Variants in AXIN1 observed in about 807,000 individuals in gnomAD.
The protein encoded by AXIN1 is axin 1, also known as axin-1.
In AXIN1, 30 loss-of-function variants were observed where a neutral mutation model predicts 76.4. That is an observed-to-expected ratio of 0.39 (90% CI 0.29 to 0.53). The LOEUF (loss-of-function observed/expected upper bound fraction) is 0.53. AXIN1 is among the 20% of genes least tolerant of loss of function. AXIN1 has a pLI of 0.66. For missense variants in AXIN1, 1,140 were observed against 1,198.8 expected, an observed-to-expected ratio of 0.95 and a Z score of 0.72; for synonymous variants, 545 against 501.4, an observed-to-expected ratio of 1.09 and a Z score of -1.16.
At chr16:306,974 C>A (rs1187936931) in intron 4 of AXIN1, among the ~76,000 whole-genome samples, 2 of 152,190 alleles carry the variant, frequency 1.3e-5, no homozygotes, top group Non-Finnish European at 2.9e-5. Flanking sequence ...CCGCTGCACC[C>A]GGGGCCTGGA....
intron 2 of AXIN1, among the ~76,000 whole-genome samples, chr16:324,413 G>A (rs1009823450): frequency 4.6e-5 from 7 of 152,214 alleles, no homozygotes; most frequent in African/African-American, 1.7e-4. Context: ...AGGCGGGTCA[G>A]GCACAGGCCT....
At chr16:322,368 C>T (rs1032081709) in intron 2 of AXIN1, among the ~76,000 whole-genome samples, 10 of 152,228 alleles carry the variant, frequency 6.6e-5, no homozygotes, top group African/African-American at 2.4e-4. Context: ...CTCAACCCAT[C>T]ACCCTGTACC....
chr16:291,420 C>T (rs989413578), intron 8 of AXIN1, 123 bp from the exon 9 acceptor site: 93 of 815,630 alleles, frequency 1.1e-4, no homozygotes, highest in South Asian at 7.9e-4. Context: ...ACCCACCCTG[C>T]GCAGGCTCCA....
rs920223126 is a variant in AXIN1, at chr16:293,228, G to A, written c.2186+260C>T. On this transcript the variant is annotated intron_variant, in intron 8 of 10. Coordinates refer to ENST00000262320, the MANE Select transcript of AXIN1 (RefSeq NM_003502.4). The surrounding 1 kb of genome is among the most constrained non-coding windows in gnomAD (Gnocchi z 4.6). ...CCTCCCTGCAGACTGGGCTCAGGTT[G>A]AGGAGGGACCCCGCCTCCAGAGCAA... 1 of 560,938 alleles carries A rather than the reference G, an allele frequency of 1.8e-6. No homozygotes were observed. The highest frequency in any genetic ancestry group is 1.9e-5 in the African/African-American group (1 of 53,262). 34.7% of individuals were successfully genotyped at this position (560,938 alleles called of 1,614,324 possible).
At chr16:343,706 CAAAA>C (rs58687675) in intron 2 of AXIN1, among the ~76,000 whole-genome samples, 1 of 136,910 alleles carries the variant, frequency 7.3e-6, no homozygotes, top group Non-Finnish European at 1.6e-5. Context: ...CCATCTCAAA[CAAAA>C]AAACAAGCAA....
At chr16:314,807 A>G (rs2053263201) in intron 2 of AXIN1, 124 bp from the exon 3 acceptor site, 10 of 1,421,644 alleles carry the variant, frequency 7.0e-6, no homozygotes, top group Non-Finnish European at 9.6e-6. Flanking sequence ...TTTGGAGAAA[A>G]TAAGGAGCAT....
rs1383161923 is a variant in AXIN1 at position 331,966 on chromosome 16, C to T, written c.878+14182G>A. Among the ~76,000 whole-genome samples, 12 of 152,190 alleles carry T rather than the reference C, an allele frequency of 7.9e-5. No homozygotes were observed. The South Asian group carries it at 2.3e-3, about 29-fold the overall frequency. On this transcript the variant is annotated intron_variant, in intron 2 of 10. Transcript: ENST00000262320. ...TCCAGAGACCACGGTGACTAAGGGC[C>T]CGACCCTGACTACAGCAGATGGGAA...
At chr16:308,737 G>A (rs1315073774) in intron 4 of AXIN1, among the ~76,000 whole-genome samples, 2 of 152,114 alleles carry the variant, frequency 1.3e-5, no homozygotes, top group South Asian at 4.1e-4. Context: ...CACAGCACAA[G>A]CACGCACACA....
Position 312,369 on chromosome 16 carries a change from G to GA in AXIN1, c.1019+2173dup, listed in dbSNP as rs200158785. Among the ~76,000 whole-genome samples the GA allele has an allele frequency of 6.2e-3, 946 of 152,004 alleles. 8 individuals are homozygous for GA. The highest frequency in any genetic ancestry group is 0.022 in the African/African-American group (901 of 41,506). On this transcript the variant is annotated intron_variant, in intron 3 of 10. Transcript: ENST00000262320. ...CAAACCAAGATGAACAGAATATCAA[G>GA]AAAAAAAATACCTATTTATTTTAGG...
chr16:291,278 G>A lies in AXIN1; in HGVS notation c.2206C>T (p.Arg736Trp), dbSNP rs780541699. The change falls in exon 9 of 11, where the codon CGG (arginine) becomes TGG (tryptophan). Residue 736 changes from arginine to tryptophan, a missense_variant. Transcript: ENST00000262320. The part of the protein sequence containing the change: ...SKQRYVQEVM[R>W]RGRACVRPAC... Reference sequence around the variant, plus strand: ...GGCCTGACGCAGGCGCGTCCCCGCCGCATAACCTCCTGCACATACCTAGGG... The same window carrying A: ...GGCCTGACGCAGGCGCGTCCCCGCCACATAACCTCCTGCACATACCTAGGG... 5.1e-6 allele frequency: 8 copies of A among 1,580,950 alleles called. No homozygotes were observed. The highest frequency in any genetic ancestry group is 1.8e-5 in the Admixed American group (1 of 54,108).
At chr16:288,783 G>C (rs901611367) in intron 10 of AXIN1, among the ~76,000 whole-genome samples, 1 of 152,260 alleles carries the variant, frequency 6.6e-6, no homozygotes, top group Non-Finnish European at 1.5e-5. Context: ...GTGGCCCAGG[G>C]CGAATGAACC....
At chr16:327,534 C>T (rs745566262) in intron 2 of AXIN1, among the ~76,000 whole-genome samples, 5 of 152,338 alleles carry the variant, frequency 3.3e-5, no homozygotes, top group Middle Eastern at 3.4e-3. Flanking sequence ...CACAACACAC[C>T]AAAGGCCCTT....
At chr16:337,464 G>A (rs1053945840) in intron 2 of AXIN1, among the ~76,000 whole-genome samples, 2 of 149,296 alleles carry the variant, frequency 1.3e-5, no homozygotes, top group African/African-American at 2.5e-5. Context: ...TAGACTACAG[G>A]TGAGCTAGTA....
chr16:349,644 G>C (rs1040310904), intron 1 of AXIN1, among the ~76,000 whole-genome samples: 17 of 152,190 alleles, frequency 1.1e-4, no homozygotes, highest in Admixed American at 2.0e-4. Flanking sequence ...CCCAGCACAA[G>C]GTCCTGCAAC....
At chr16:351,753 T>G (rs551077639) in intron 1 of AXIN1, among the ~76,000 whole-genome samples, 1 of 151,360 alleles carries the variant, frequency 6.6e-6, no homozygotes, top group East Asian at 1.9e-4. Flanking sequence ...AAAAAATATA[T>G]ATATATATAT....
At chr16:320,425 C>T (rs1363308268) in intron 2 of AXIN1, among the ~76,000 whole-genome samples, 1 of 152,072 alleles carries the variant, frequency 6.6e-6, no homozygotes, top group Admixed American at 6.6e-5. Flanking sequence ...GATGACAACA[C>T]CAATAATGCA....
chr16:327,201 C>T (rs1472065005), intron 2 of AXIN1, among the ~76,000 whole-genome samples: 1 of 151,990 alleles, frequency 6.6e-6, no homozygotes, highest in Non-Finnish European at 1.5e-5. Context: ...CTACGTATCT[C>T]GTGGGTGTTC....
At chr16:316,676 C>A (rs758400461) in intron 2 of AXIN1, among the ~76,000 whole-genome samples, 1 of 152,092 alleles carries the variant, frequency 6.6e-6, no homozygotes, top group Non-Finnish European at 1.5e-5. Context: ...GTCAGCCTCA[C>A]AGGGGGTTTA....
At chr16:309,551 A>T (rs189367670) in intron 4 of AXIN1, among the ~76,000 whole-genome samples, 199 of 152,262 alleles carry the variant, frequency 1.3e-3, no homozygotes, top group African/African-American at 4.5e-3. Context: ...TAAAGTCAAG[A>T]CGTTTACCTG....
Sources: gnomAD v4.1 joint callset for allele counts (sites outside exome capture counted in the v4.1 genomes callset) on GRCh38, gnomAD v4.1.1 for gene constraint, Gnocchi (gnomAD v3.1) non-coding constraint, MANE v1.5 for transcripts, NCBI Gene and HGNC (gene_info 2026-07-23, HGNC 2026-07-21) for gene names.